PALM2AKAP2: variants seen among roughly 807,000 people sequenced by gnomAD.
PALM2AKAP2 encodes the protein PALM2 and AKAP2 fusion, also known as PALM2-AKAP2 fusion protein.
PALM2AKAP2 carries 37 observed loss-of-function variants against 71.5 expected under a neutral mutation model. The observed-to-expected ratio is 0.52, with a 90% CI of 0.40 to 0.68. The LOEUF (loss-of-function observed/expected upper bound fraction) is 0.68. Among genes scored for constraint, PALM2AKAP2 ranks in the 30% least tolerant of loss-of-function variants. PALM2AKAP2 has a pLI of 0.00. For synonymous variants in PALM2AKAP2, 468 were observed against 478.8 expected (o/e 0.98, Z 0.29); for missense variants, 1,224 against 1,191.8 (o/e 1.03, Z -0.40).
intron 3 of PALM2AKAP2, among the ~76,000 whole-genome samples, chr9:109,918,013 C>G (rs1445898464): frequency 2.6e-5 from 4 of 152,204 alleles, no homozygotes; most frequent in African/African-American, 9.7e-5. Context: ...GCGTCCCCAC[C>G]ACACACTCCC....
In PALM2AKAP2 at chr9:109,957,361, G is replaced by A. The variant is rs114095704; in HGVS notation, c.496+25333G>A. Among the ~76,000 whole-genome samples, 817 of 152,294 alleles carry A rather than the reference G, an allele frequency of 5.4e-3. 5 individuals are homozygous for A. Among genetic ancestry groups the A allele is most frequent in the African/African-American group, 0.019 (770 of 41,560 alleles). ...TGGCTCCACTATAAAACACTCCAGC[G>A]TTTAGCCTTTGTTCTGCCTCCTGGG... On this transcript the variant is annotated intron_variant, in intron 6 of 9. Transcript: ENST00000302798.
intron 7 of PALM2AKAP2, among the ~76,000 whole-genome samples, chr9:110,035,596 G>T (rs1461113233): frequency 8.2e-5 from 8 of 97,540 alleles, no homozygotes; most frequent in African/African-American, 1.6e-4. Context: ...AACATATATA[G>T]GATATGTTGT....
At chr9:110,100,478 C>A (rs1834970027) in intron 1 of PALM2AKAP2, among the ~76,000 whole-genome samples, 1 of 152,076 alleles carries the variant, frequency 6.6e-6, no homozygotes, top group Admixed American at 6.5e-5. Flanking sequence ...GATGGTGATT[C>A]CCTTCCCCCA....
rs1554737803 is a variant in PALM2AKAP2, at chr9:110,011,014, A to ATATATATATAT, written c.497-4940_497-4939insTATATATATAT. Among the ~76,000 whole-genome samples, 117 of 69,520 alleles carry ATATATATATAT rather than the reference A, an allele frequency of 1.7e-3. 2 individuals carry two copies. Among genetic ancestry groups the ATATATATATAT allele is most frequent in the African/African-American group, 4.4e-3 (56 of 12,746 alleles). 45.6% of individuals were successfully genotyped at this position (69,520 alleles called of 152,430 possible). On this transcript the variant is annotated intron_variant, in intron 6 of 9. Transcript: ENST00000302798. ...TCTGTCTCAAAAAAAAAAAAAAAAA[A>ATATATATATAT]ATATATATATATATATATATATACT...
intron 1 of PALM2AKAP2, among the ~76,000 whole-genome samples, chr9:109,661,276 C>G (rs150803380): frequency 7.2e-5 from 11 of 152,252 alleles, no homozygotes; most frequent in Non-Finnish European, 1.6e-4. Context: ...AGGTTTTCTT[C>G]TAGGGTTTTC....
chr9:110,127,686 CCTT>C (rs1377747224), intron 1 of PALM2AKAP2: 1 of 152,418 alleles, frequency 6.6e-6, no homozygotes, highest in South Asian at 2.1e-4. Context: ...AGCTCCTTCT[CCTT>C]CCTGTCGTCG....
chr9:110,056,189 A>G (rs866910338), intron 1 of PALM2AKAP2, among the ~76,000 whole-genome samples: 21 of 152,158 alleles, frequency 1.4e-4, no homozygotes, highest in African/African-American at 4.8e-4. Context: ...GGTGTGAGGA[A>G]GGCCAAACCA....
intron 6 of PALM2AKAP2, among the ~76,000 whole-genome samples, chr9:109,962,308 T>G (rs145022712): frequency 2.3e-4 from 35 of 152,276 alleles, no homozygotes; most frequent in African/African-American, 7.9e-4. Flanking sequence ...ATCAGCAGCT[T>G]TGAGAGCCAG....
At chr9:109,662,798 T>A (rs1827419303) in intron 1 of PALM2AKAP2, among the ~76,000 whole-genome samples, 1 of 152,310 alleles carries the variant, frequency 6.6e-6, no homozygotes, top group Admixed American at 6.5e-5. Context: ...TGTCTGGTCC[T>A]GGACTTTTTT....
At chr9:110,146,349 C>G (rs1210097785) in intron 2 of PALM2AKAP2, among the ~76,000 whole-genome samples, 1 of 152,180 alleles carries the variant, frequency 6.6e-6, no homozygotes, top group Non-Finnish European at 1.5e-5. Flanking sequence ...TTCTGCTGTT[C>G]CTGCTGATTG....
intron 3 of PALM2AKAP2, among the ~76,000 whole-genome samples, chr9:109,881,637 G>A (rs1247255686): frequency 6.6e-6 from 1 of 152,072 alleles, no homozygotes; most frequent in East Asian, 1.9e-4. Flanking sequence ...GGAGATAAGC[G>A]ACCTGTCTGT....
chr9:110,097,496 G>A (rs1834879116), intron 1 of PALM2AKAP2, among the ~76,000 whole-genome samples: 1 of 152,178 alleles, frequency 6.6e-6, no homozygotes, highest in Admixed American at 6.5e-5. Context: ...TGGTGGCCGG[G>A]CAGAGACGCT....
At position 109,970,835 on chromosome 9, in the gene PALM2AKAP2, C is replaced by T. The variant is rs190663679; in HGVS notation, c.496+38807C>T. The stretch of plus-strand genomic sequence containing the variant: ...TATTAAAAATTTCCTGGCCAGGTGC[C>T]GGGGCTCATGCCTGTAATCCCAGCA... On this transcript the variant is annotated intron_variant, in intron 6 of 9. Coordinates refer to the PALM2AKAP2 transcript ENST00000302798. Among the ~76,000 whole-genome samples, 16 of 152,252 alleles carry T rather than the reference C, an allele frequency of 1.1e-4. 1 individual carries two copies. Among genetic ancestry groups the T allele is most frequent in the Admixed American group, 3.3e-4 (5 of 15,298 alleles).
intron 1 of PALM2AKAP2, among the ~76,000 whole-genome samples, chr9:109,802,329 A>G (rs1296806178): frequency 1.3e-5 from 2 of 152,180 alleles, no homozygotes; most frequent in African/African-American, 4.8e-5. Flanking sequence ...CTCCATAGCC[A>G]TATTGAAATT....
At chr9:110,125,361 G>A (rs1172388097) in intron 1 of PALM2AKAP2, 6 of 331,816 alleles carry the variant, frequency 1.8e-5, no homozygotes, top group Non-Finnish European at 2.2e-5. Context: ...TGGGAATGCC[G>A]CTGCCCTCCA....
intron 3 of PALM2AKAP2, among the ~76,000 whole-genome samples, chr9:109,894,024 T>TAAAA (rs552808725): frequency 7.5e-6 from 1 of 132,864 alleles, no homozygotes. Flanking sequence ...GTTGCTTATT[T>TAAAA]AAAAAAAAAA....
chr9:110,088,713 T>TTTG (rs1834632201), intron 1 of PALM2AKAP2, among the ~76,000 whole-genome samples: 2 of 83,350 alleles, frequency 2.4e-5, no homozygotes, highest in Non-Finnish European at 4.5e-5. Context: ...GTTTTTTTTT[T>TTTG]TTTTTTTTTT....
In PALM2AKAP2 at chr9:110,156,437, C is replaced by A. The variant is rs773321699; in HGVS notation, c.2688C>A (p.Thr896=). The stretch of plus-strand genomic sequence containing the variant: ...AGCGGCCCAAGAATCTGATGCAGAC[C>A]CTCATGGAAGACTATGAGACACACA... The change falls in exon 3 of 4, where the codon ACC becomes ACA. Residue 896 remains threonine (T), a synonymous_variant. Coordinates refer to ENST00000374525, the Ensembl canonical transcript of PALM2AKAP2. The A allele has an allele frequency of 2.5e-6, 4 of 1,612,678 alleles. No homozygotes were observed. The African/African-American group carries it at 5.3e-5, about 22-fold the overall frequency.
chr9:110,137,196 A>T lies in PALM2AKAP2; in HGVS notation c.1226A>T (p.Gln409Leu), dbSNP rs1048284058. ...GCAAAGGAGGACATTGTCACAGAGC[A>T]GATAGATTTCTCTGCTGCTCGCAAA... Residue 409 changes from glutamine (Q) to leucine (L), a missense_variant, in exon 2 of 4, where the codon CAG becomes CTG. Coordinates refer to ENST00000374525, the Ensembl canonical transcript of PALM2AKAP2. 2 of 1,614,098 alleles carry T rather than the reference A, an allele frequency of 1.2e-6. No homozygotes were observed. The highest frequency in any genetic ancestry group is 1.6e-4 in the Middle Eastern group (1 of 6,062).
Sources: allele counts gnomAD v4.1 joint callset (sites outside exome capture counted in the v4.1 genomes callset), GRCh38; gene constraint gnomAD v4.1.1; transcripts MANE v1.5; gene names NCBI Gene and HGNC (gene_info 2026-07-23, HGNC 2026-07-21).